SOSTDC1: variants seen among roughly 807,000 people sequenced by gnomAD.
SOSTDC1 encodes sclerostin domain-containing protein 1.
SOSTDC1 carries 7 observed loss-of-function variants against 15.1 expected under a neutral mutation model. The observed-to-expected ratio is 0.46, with a 90% CI of 0.26 to 0.87. The LOEUF (loss-of-function observed/expected upper bound fraction) is 0.87. Ranked by LOEUF, SOSTDC1 falls within the 40% of genes least tolerant of loss-of-function variation. SOSTDC1 has a pLI of 0.15. For missense variants in SOSTDC1, 242 were observed against 259.2 expected (o/e 0.93, Z 0.46); for synonymous variants, 94 against 93.2 (o/e 1.01, Z -0.05).
At position 16,462,632 on chromosome 7, in the gene SOSTDC1, A is replaced by G; in HGVS notation, c.537T>C (p.Phe179=). The change falls in exon 2 of 2, where the codon TTT becomes TTC. Residue 179 remains phenylalanine, a synonymous_variant. Transcript: ENST00000307068. Reference sequence around the variant, plus strand: ...CTGGCTTGGCAGGTGACATGCTCTCAAAGTTGTGACTGGACTCGTTGTGCT... The same window carrying G: ...CTGGCTTGGCAGGTGACATGCTCTCGAAGTTGTGACTGGACTCGTTGTGCT... ...TRQHNESSHN[F]ESMSPAKPVQ... 6.2e-7 allele frequency: 1 copy of G among 1,614,134 alleles called. No individual in the cohort carries two copies. Among genetic ancestry groups the G allele is most frequent in the South Asian group, 1.1e-5 (1 of 91,076 alleles).
Position 16,462,958 on chromosome 7 carries a change from C to T in SOSTDC1, c.211G>A (p.Val71Ile). Residue 71 changes from valine (V) to isoleucine (I), a missense_variant, in exon 2 of 2, where the codon GTT (valine) becomes ATT (isoleucine). Coordinates refer to ENST00000307068, the MANE Select transcript of SOSTDC1 (RefSeq NM_015464.3). ...SNTGLDRNTR[V>I]QVGCRELRST... ...CGCAGTTCCCGGCAACCCACTTGAA[C>T]CCGAGCTGCAGGAAACAAAAAAGAA... is the stretch of plus-strand genomic sequence containing the variant. 6.4e-7 allele frequency: 1 copy of T among 1,552,390 alleles called. No homozygotes were observed. Among genetic ancestry groups the T allele is most frequent in the Non-Finnish European group, 8.7e-7 (1 of 1,145,626 alleles).
Position 16,465,656 on chromosome 7 carries a change from C to T in SOSTDC1, c.13G>A (p.Ala5Thr), listed in dbSNP as rs749975640. 4.3e-6 allele frequency: 7 copies of T among 1,613,956 alleles called. No individual in the cohort carries two copies. The highest frequency in any genetic ancestry group is 5.9e-6 in the Non-Finnish European group (7 of 1,179,912). The change falls in exon 1 of 2, where the codon GCC becomes ACC. Residue 5 changes from alanine (A) to threonine (T), a missense_variant. Physicochemically the swap from Ala to Thr is moderately conservative, Grantham distance 58 (BLOSUM62 0). Coordinates refer to ENST00000307068, the MANE Select transcript of SOSTDC1 (RefSeq NM_015464.3). The stretch of plus-strand genomic sequence containing the variant: ...AGGGGAAGGAGATAGAAATGAATGG[C>T]AGGAGGAAGCATGGTGAGTAGAGGA... MLPPAIHFYLLPLAC... is the reference protein window; with the variant it reads MLPPTIHFYLLPLAC...
In SOSTDC1 at chr7:16,462,892, T is replaced by C. The variant is rs1781235348; in HGVS notation, c.277A>G (p.Ser93Gly). The C allele has an allele frequency of 3.1e-6, 5 of 1,613,752 alleles. No homozygotes were observed. Among genetic ancestry groups the C allele is most frequent in the Non-Finnish European group, 4.2e-6 (5 of 1,179,744 alleles). ...YISDGQCTSI[S>G]PLKELVCAGE... is the part of the protein sequence containing the mutation. ...GCACACACCAGCTCCTTCAGAGGGC[T>C]GATGCTGGTGCACTGGCCATCAGAG... The change falls in exon 2 of 2, where the codon AGC becomes GGC. Residue 93 changes from serine (S) to glycine (G), a missense_variant. Transcript: ENST00000307068.
At chr7:16,463,624 T>C (rs1468032674) in intron 1 of SOSTDC1, among the ~76,000 whole-genome samples, 2 of 152,184 alleles carry the variant, frequency 1.3e-5, no homozygotes, top group African/African-American at 4.8e-5. Flanking sequence ...ATGTTTGAAA[T>C]GTAAAATGCC....
intron 1 of SOSTDC1, among the ~76,000 whole-genome samples, chr7:16,464,670 C>CTCTCTG (rs1281358822): frequency 1.3e-5 from 2 of 152,076 alleles, no homozygotes; most frequent in African/African-American, 4.8e-5. Context: ...CTCTCTCTCT[C>CTCTCTG]TCTCTTAAAA....
chr7:16,464,201 C>T, intron 1 of SOSTDC1: 4 of 769,266 alleles, frequency 5.2e-6, no homozygotes, highest in Non-Finnish European at 9.0e-6. Flanking sequence ...TGTGGAAAAA[C>T]TTATGTATAT....
At chr7:16,464,235 G>T (rs1781258016) in intron 1 of SOSTDC1, 3 of 1,047,412 alleles carry the variant, frequency 2.9e-6, no homozygotes, top group Admixed American at 2.0e-5. Context: ...TAGAAATCTA[G>T]AATTGTGGGA....
At position 16,465,416 on chromosome 7, in the gene SOSTDC1, T is replaced by A. The variant is rs554277133; in HGVS notation, c.205+48A>T. On this transcript the variant is annotated intron_variant, in intron 1 of 1. Coordinates refer to ENST00000307068, the MANE Select transcript of SOSTDC1 (RefSeq NM_015464.3). The stretch of plus-strand genomic sequence containing the variant: ...ACAATTCTACAGGAATGTGAGCTAA[T>A]GCTACCAGAAAAGAAAAAAAAAAAC... 1.5e-5 allele frequency: 22 copies of A among 1,473,990 alleles called. No homozygotes were observed. The South Asian group carries it at 2.4e-4, about 16-fold the overall frequency. The allele number at this position is 1,473,990 out of a possible 1,614,324, so 91.3% of individuals were successfully genotyped here.
Position 16,462,933 on chromosome 7 carries a change from C to A in SOSTDC1, c.236G>T (p.Arg79Leu). 1 of 1,584,058 alleles carries A rather than the reference C, an allele frequency of 6.3e-7. No homozygotes were observed. The highest frequency in any genetic ancestry group is 8.6e-7 in the Non-Finnish European group (1 of 1,159,872). Reference protein sequence around the residue: ...TRVQVGCRELRSTKYISDGQC... With the variant: ...TRVQVGCRELLSTKYISDGQC... ...GCCATCAGAGATGTATTTGGTGGAA[C>A]GCAGTTCCCGGCAACCCACTTGAAC... The change falls in exon 2 of 2, where the codon CGT becomes CTT. Residue 79 changes from arginine (R) to leucine (L), a missense_variant. Physicochemically the swap from Arg to Leu is moderately radical, Grantham distance 102 (BLOSUM62 -2). Coordinates refer to ENST00000307068, the MANE Select transcript of SOSTDC1 (RefSeq NM_015464.3).
chr7:16,465,250 G>A (rs186540166), intron 1 of SOSTDC1, among the ~76,000 whole-genome samples: 1 of 152,302 alleles, frequency 6.6e-6, no homozygotes. Context: ...ACTTCAGTCT[G>A]TGCTTGCACT....
Position 16,465,730 on chromosome 7 carries a change from T to C in SOSTDC1, c.-62A>G. The stretch of plus-strand genomic sequence containing the variant: ...AATTCTTTTGCTTCTGCTTCTGCAC[T>C]GTAACTGTGAAATTCCTCCTCAAGC... On this transcript the variant is annotated 5_prime_UTR_variant, in exon 1 of 2. Coordinates refer to ENST00000307068, the MANE Select transcript of SOSTDC1 (RefSeq NM_015464.3). 2 of 1,447,046 alleles carry C rather than the reference T, an allele frequency of 1.4e-6. No homozygotes were observed. Among genetic ancestry groups the C allele is most frequent in the Non-Finnish European group, 1.9e-6 (2 of 1,037,460 alleles). The allele number at this position is 1,447,046 out of a possible 1,614,324, so 89.6% of individuals were successfully genotyped here. A position where few individuals can be genotyped will look rare whatever the true frequency, so the allele number is the denominator to read the frequency against.
Position 16,462,243 on chromosome 7 carries a change from A to C in SOSTDC1, c.*305T>G, listed in dbSNP as rs892002262. 7.8e-6 allele frequency: 2 copies of C among 255,188 alleles called. No homozygotes were observed. Among genetic ancestry groups the C allele is most frequent in the Non-Finnish European group, 1.5e-5 (2 of 133,106 alleles). The allele number at this position is 255,188 out of a possible 1,614,324, so 15.8% of individuals were successfully genotyped here. On this transcript the variant is annotated 3_prime_UTR_variant, in exon 2 of 2. Coordinates refer to ENST00000307068, the MANE Select transcript of SOSTDC1 (RefSeq NM_015464.3). ...GAGAAGCCCTTTTCTGTTTTAAAAT[A>C]TAATGATTCACTGATGTTTATAGTA...
chr7:16,462,427 ATCAAAGCAGAAAGCATATACTT>A lies in SOSTDC1; in HGVS notation c.*99_*120del. 1 of 1,097,806 alleles carries A rather than the reference ATCAAAGCAGAAAGCATATACTT, an allele frequency of 9.1e-7. No homozygotes were observed. Among genetic ancestry groups the A allele is most frequent in the Non-Finnish European group, 1.3e-6 (1 of 751,990 alleles). 68.0% of individuals were successfully genotyped at this position (1,097,806 alleles called of 1,614,324 possible). ...TACTTAAGACAGCTTGCTGGGTTTG[ATCAAAGCAGAAAGCATATACTT>A]TCAAGTGAGAAAACAGCAGTGGCAG... On this transcript the variant is annotated 3_prime_UTR_variant, in exon 2 of 2. Transcript: ENST00000307068.
At chr7:16,464,418 G>A in intron 1 of SOSTDC1, 5 of 1,474,532 alleles carry the variant, frequency 3.4e-6, no homozygotes, top group Non-Finnish European at 4.6e-6. Flanking sequence ...CATTTTTGCA[G>A]TGACAGTTCA....
intron 1 of SOSTDC1, 54 bp downstream of exon 1, chr7:16,465,410 A>T: frequency 7.0e-7 from 1 of 1,427,026 alleles, no homozygotes; most frequent in South Asian, 1.2e-5. Context: ...CAGGAATGTG[A>T]GCTAATGCTA....
intron 1 of SOSTDC1, chr7:16,464,237 A>C (rs989119583): frequency 8.5e-6 from 9 of 1,055,926 alleles, no homozygotes; most frequent in Non-Finnish European, 1.3e-5. Context: ...GAAATCTAGA[A>C]TTGTGGGATT....
intron 1 of SOSTDC1, chr7:16,464,211 T>C (rs1352422488): frequency 2.4e-6 from 2 of 827,764 alleles, no homozygotes; most frequent in African/African-American, 3.4e-5. Flanking sequence ...CTTATGTATA[T>C]AGACATGCAT....
chr7:16,463,142 A>C (rs1426987262), intron 1 of SOSTDC1, among the ~76,000 whole-genome samples, 179 bp from the exon 2 acceptor site: 1 of 152,202 alleles, frequency 6.6e-6, no homozygotes, highest in African/African-American at 2.4e-5. Context: ...GGACACTTTC[A>C]TGAAAATCAT....
At position 16,464,504 on chromosome 7, in the gene SOSTDC1, A is replaced by G. The variant is rs1015845725; in HGVS notation, c.205+960T>C. 4 of 687,044 alleles carry G rather than the reference A, an allele frequency of 5.8e-6. No homozygotes were observed. In the African/African-American group the frequency reaches 7.0e-5, roughly 12 times the overall value. 42.6% of individuals were successfully genotyped at this position (687,044 alleles called of 1,614,324 possible). Reference sequence around the variant, plus strand: ...ATGTCCTGTGTACTTAAAAGCAACCAGCTTCGTGAAAGTTAAAACATCCTA... The same window carrying G: ...ATGTCCTGTGTACTTAAAAGCAACCGGCTTCGTGAAAGTTAAAACATCCTA... On this transcript the variant is annotated intron_variant, in intron 1 of 1. Transcript: ENST00000307068.
Sources: gnomAD v4.1 joint callset for allele counts (sites outside exome capture counted in the v4.1 genomes callset) on GRCh38, gnomAD v4.1.1 for gene constraint, MANE v1.5 for transcripts, NCBI Gene and HGNC (gene_info 2026-07-23, HGNC 2026-07-21) for gene names.